Variants in MGAT4C observed in about 807,000 individuals in gnomAD.
MGAT4C encodes the protein alpha-1,3-mannosyl-glycoprotein 4-beta-N-acetylglucosaminyltransferase C.
MGAT4C carries 19 observed loss-of-function variants against 40.1 expected under a neutral mutation model. The observed-to-expected ratio is 0.47, with a 90% CI of 0.33 to 0.70. The LOEUF (loss-of-function observed/expected upper bound fraction) is 0.70, where lower values mean the gene tolerates loss of function less well. Among genes scored for constraint, MGAT4C ranks in the 30% least tolerant of loss-of-function variants. The pLI is 0.02. For missense variants in MGAT4C, 491 were observed against 563.2 expected (o/e 0.87, Z 1.30); for synonymous variants, 181 against 187.1 (o/e 0.97, Z 0.27).
chr12:86,359,273 A>C (rs1955396672), intron 3 of MGAT4C, among the ~76,000 whole-genome samples: 1 of 152,198 alleles, frequency 6.6e-6, no homozygotes, highest in Admixed American at 6.5e-5. Flanking sequence ...TGTTCTTTGA[A>C]ACCAATGAGA....
chr12:86,478,007 C>T (rs1056968205), intron 2 of MGAT4C, among the ~76,000 whole-genome samples: 3 of 151,800 alleles, frequency 2.0e-5, no homozygotes, highest in Non-Finnish European at 4.4e-5. Flanking sequence ...TACTTTACTT[C>T]CGAATTTTCA....
chr12:86,621,097 A>AAAAT (rs1962621253), intron 2 of MGAT4C, among the ~76,000 whole-genome samples: 1 of 152,150 alleles, frequency 6.6e-6, no homozygotes, highest in Admixed American at 6.5e-5. Context: ...TAAATCTACA[A>AAAAT]AAATAAAATT....
intron 2 of MGAT4C, among the ~76,000 whole-genome samples, chr12:86,030,508 C>T (rs1001399419): frequency 2.0e-5 from 3 of 151,580 alleles, no homozygotes; most frequent in Admixed American, 1.3e-4. Context: ...ATAAAAAACA[C>T]TGAAAAGGTT....
intron 3 of MGAT4C, 83 bp from the exon 4 acceptor site, chr12:85,983,753 A>T: frequency 8.9e-7 from 1 of 1,122,688 alleles, no homozygotes. Context: ...TACACAATAA[A>T]TGTACGACTA....
At chr12:86,564,341 C>T (rs1003216839) in intron 2 of MGAT4C, among the ~76,000 whole-genome samples, 25 of 151,898 alleles carry the variant, frequency 1.6e-4, no homozygotes, top group African/African-American at 5.1e-4. Flanking sequence ...AAGCAATTTT[C>T]CTTCAGCTGG....
chr12:86,585,122 T>A (rs924487025), intron 2 of MGAT4C, among the ~76,000 whole-genome samples: 1 of 151,466 alleles, frequency 6.6e-6, no homozygotes, highest in Non-Finnish European at 1.5e-5. Flanking sequence ...TAATGTAATT[T>A]GTACTGTACC....
chr12:86,715,382 A>G (rs186141287), intron 2 of MGAT4C, among the ~76,000 whole-genome samples: 2 of 152,256 alleles, frequency 1.3e-5, no homozygotes, highest in African/African-American at 2.4e-5. Context: ...GGTGAGGAGC[A>G]TAAGGGAAGA....
intron 1 of MGAT4C, among the ~76,000 whole-genome samples, chr12:86,830,968 C>A (rs1952915243): frequency 6.6e-6 from 1 of 151,744 alleles, no homozygotes; most frequent in Non-Finnish European, 1.5e-5. Context: ...GAAACAAATG[C>A]TAAATACAAC....
intron 1 of MGAT4C, among the ~76,000 whole-genome samples, chr12:86,086,980 T>A (rs1298384637): frequency 6.6e-6 from 1 of 152,132 alleles, no homozygotes; most frequent in African/African-American, 2.4e-5. Flanking sequence ...GTTTCATCCA[T>A]GTCGTTGTTA....
chr12:86,244,944 T>A (rs1031079592), intron 1 of MGAT4C, among the ~76,000 whole-genome samples: 1 of 152,130 alleles, frequency 6.6e-6, no homozygotes, highest in African/African-American at 2.4e-5. Context: ...ATTAAGTGGG[T>A]GGTATGCATT....
chr12:86,478,689 GA>G (rs1435202047), intron 2 of MGAT4C, among the ~76,000 whole-genome samples: 4 of 151,958 alleles, frequency 2.6e-5, no homozygotes, highest in African/African-American at 9.7e-5. Context: ...TGCAAGATTT[GA>G]AAATCTTTCT....
At chr12:86,483,573 G>A (rs1049155777) in intron 2 of MGAT4C, among the ~76,000 whole-genome samples, 7 of 151,872 alleles carry the variant, frequency 4.6e-5, no homozygotes, top group African/African-American at 1.7e-4. Context: ...TGCATAAAAT[G>A]AAAGTTTTGA....
chr12:86,020,076 T>G (rs888370919), intron 2 of MGAT4C, among the ~76,000 whole-genome samples: 2 of 152,168 alleles, frequency 1.3e-5, no homozygotes, highest in African/African-American at 2.4e-5. Context: ...GCCTATCAGC[T>G]TAAGGAGATT....
intron 2 of MGAT4C, among the ~76,000 whole-genome samples, chr12:86,482,643 A>T (rs1181255306): frequency 1.3e-5 from 2 of 152,122 alleles, no homozygotes; most frequent in African/African-American, 4.8e-5. Context: ...TAGAATTTTT[A>T]GAAGTGTTTT....
intron 1 of MGAT4C, among the ~76,000 whole-genome samples, chr12:86,727,497 T>G (rs1950841197): frequency 6.6e-6 from 1 of 152,008 alleles, no homozygotes; most frequent in East Asian, 1.9e-4. Context: ...GATTTACCAT[T>G]AGCTATCAGA....
chr12:86,780,588 C>G (rs1396604914), intron 1 of MGAT4C, among the ~76,000 whole-genome samples: 1 of 152,200 alleles, frequency 6.6e-6, no homozygotes, highest in Non-Finnish European at 1.5e-5. Context: ...CCTTTGCCTT[C>G]TGCCATGATT....
At chr12:86,055,558 A>G (rs1219681109) in intron 1 of MGAT4C, among the ~76,000 whole-genome samples, 20 of 152,120 alleles carry the variant, frequency 1.3e-4, no homozygotes, top group Admixed American at 1.3e-3. Flanking sequence ...ATCCCTGTCT[A>G]TAAGAATTAT....
At position 86,287,013 on chromosome 12, in the gene MGAT4C, A is replaced by G. The variant is rs149531530; in HGVS notation, c.-57+47052T>C. Among the ~76,000 whole-genome samples, 488 of 152,300 alleles carry G rather than the reference A, an allele frequency of 3.2e-3. 1 individual carries two copies. The highest frequency in any genetic ancestry group is 0.011 in the African/African-American group (473 of 41,574). On this transcript the variant is annotated intron_variant, in intron 4 of 7. Transcript: ENST00000548651. Reference sequence around the variant, plus strand: ...TTGGTGAACATTTAAGGGTGATTCCATATCTTTGCTATTGTGAATAGTGCT... The same window carrying G: ...TTGGTGAACATTTAAGGGTGATTCCGTATCTTTGCTATTGTGAATAGTGCT...
chr12:85,974,597 C>T lies in MGAT4C; in HGVS notation c.*4692G>A, dbSNP rs1883824754. On this transcript the variant is annotated 3_prime_UTR_variant, in exon 5 of 5. Transcript: ENST00000611864. ...AACCATATGTAGATACACACATGCA[C>T]ATATGCAATAATGAAATCATTTCAA... The T allele has an allele frequency of 6.7e-6, 1 of 150,286 alleles. No individual in the cohort carries two copies. Among genetic ancestry groups the T allele is most frequent in the African/African-American group, 2.4e-5 (1 of 41,134 alleles). 9.3% of individuals were successfully genotyped at this position (150,286 alleles called of 1,614,324 possible).
Sources: gnomAD v4.1 joint callset for allele counts (sites outside exome capture counted in the v4.1 genomes callset) on GRCh38, gnomAD v4.1.1 for gene constraint, MANE v1.5 for transcripts, NCBI Gene and HGNC (gene_info 2026-07-23, HGNC 2026-07-21) for gene names.